Variants in PRKG1 observed in about 807,000 individuals in gnomAD.
PRKG1 encodes the protein cGMP-dependent protein kinase 1.
Under a neutral mutation model 88.1 loss-of-function variants are expected in PRKG1, and 35 were observed. The ratio of observed to expected loss-of-function variants is 0.40; its 90% CI spans 0.30 to 0.53. The LOEUF (loss-of-function observed/expected upper bound fraction) is 0.53, where lower values mean the gene tolerates loss of function less well. Ranked by LOEUF, PRKG1 falls within the 20% of genes least tolerant of loss-of-function variation. The pLI is 0.59. For missense variants in PRKG1, 540 were observed against 839.8 expected (o/e 0.64, Z 4.41); for synonymous variants, 303 against 292.5 (o/e 1.04, Z -0.37).
chr10:51,894,498 T>C (rs933877581), intron 4 of PRKG1, among the ~76,000 whole-genome samples: 1 of 152,206 alleles, frequency 6.6e-6, no homozygotes, highest in Admixed American at 6.5e-5. Flanking sequence ...ATATGAATAT[T>C]GTTAATGCCA....
At position 51,066,126 on chromosome 10, in the gene PRKG1, C is replaced by T. The variant is rs190004153; in HGVS notation, c.266+74482C>T. 1.2e-4 allele frequency among the ~76,000 whole-genome samples: 18 copies of T among 152,146 alleles called. No homozygotes were observed. The East Asian group carries it at 1.9e-3, about 16-fold the overall frequency. Reference sequence around the variant, plus strand: ...CATTGGAAGCTATGAAATGTTAAGACGTAATTGCTTAATGCTTGGAGAACT... The same window carrying T: ...CATTGGAAGCTATGAAATGTTAAGATGTAATTGCTTAATGCTTGGAGAACT... On this transcript the variant is annotated intron_variant, in intron 1 of 17. Transcript: ENST00000401604.
intron 7 of PRKG1, among the ~76,000 whole-genome samples, chr10:52,097,334 C>T (rs545853321): frequency 3.6e-4 from 55 of 152,002 alleles, no homozygotes; most frequent in Non-Finnish European, 6.6e-4. Flanking sequence ...TATTATCTAC[C>T]ATTTTAGTTC....
intron 3 of PRKG1, among the ~76,000 whole-genome samples, chr10:51,479,217 A>G (rs995909232): frequency 6.6e-6 from 1 of 152,034 alleles, no homozygotes; most frequent in African/African-American, 2.4e-5. Flanking sequence ...TAATTATTTG[A>G]ATGCCTTTTA....
intron 2 of PRKG1, among the ~76,000 whole-genome samples, chr10:51,394,668 A>G (rs551537581): frequency 3.3e-5 from 5 of 152,348 alleles, no homozygotes; most frequent in Admixed American, 2.6e-4. Flanking sequence ...TACACATTGC[A>G]AATATTCAGT....
chr10:51,605,889 A>G (rs1244261217), intron 3 of PRKG1, among the ~76,000 whole-genome samples: 4 of 152,202 alleles, frequency 2.6e-5, no homozygotes, highest in Non-Finnish European at 5.9e-5. Context: ...TCCTGGACAA[A>G]TAAGTTACTT....
chr10:51,191,545 G>A (rs1837631237), intron 2 of PRKG1, among the ~76,000 whole-genome samples: 1 of 151,808 alleles, frequency 6.6e-6, no homozygotes, highest in Non-Finnish European at 1.5e-5. Context: ...AACTGTCAAA[G>A]TAATATGGTG....
intron 9 of PRKG1, among the ~76,000 whole-genome samples, chr10:52,193,813 G>A (rs565128332): frequency 6.6e-6 from 1 of 152,174 alleles, no homozygotes; most frequent in East Asian, 1.9e-4. Flanking sequence ...CAATTAACTT[G>A]TATTTAAGTT....
chr10:51,053,489 G>A lies in PRKG1; in HGVS notation c.266+61845G>A, dbSNP rs1328179971. Among the ~76,000 whole-genome samples, 7 of 152,054 alleles carry A rather than the reference G, an allele frequency of 4.6e-5. No individual in the cohort carries two copies. In the East Asian group the frequency reaches 1.4e-3, roughly 29 times the overall value. ...CATCACTAGGAATGACATTTCTGTGGTATCCTGGGCCATTCCTGTCCTCAG... is the reference window on the plus strand; with the variant it reads ...CATCACTAGGAATGACATTTCTGTGATATCCTGGGCCATTCCTGTCCTCAG... On this transcript the variant is annotated intron_variant, in intron 1 of 17. Transcript: ENST00000401604.
intron 1 of PRKG1, among the ~76,000 whole-genome samples, chr10:51,065,101 A>C (rs778256214): frequency 4.6e-5 from 7 of 152,146 alleles, no homozygotes; most frequent in Non-Finnish European, 1.0e-4. Flanking sequence ...CTTTCGAAAT[A>C]ATGTCAAATG....
intron 5 of PRKG1, among the ~76,000 whole-genome samples, chr10:52,008,360 A>G (rs1844793194): frequency 6.6e-6 from 1 of 152,126 alleles, no homozygotes; most frequent in African/African-American, 2.4e-5. Flanking sequence ...GAAAAAATTA[A>G]TAAGATAGAC....
chr10:51,112,017 A>G (rs182247459), intron 1 of PRKG1, among the ~76,000 whole-genome samples: 98 of 152,286 alleles, frequency 6.4e-4, no homozygotes, highest in Non-Finnish European at 1.1e-3. Flanking sequence ...TTGTGCTGAA[A>G]GCATTGTTTT....
At chr10:51,391,929 C>T (rs1318458533) in intron 2 of PRKG1, among the ~76,000 whole-genome samples, 1 of 152,126 alleles carries the variant, frequency 6.6e-6, no homozygotes, top group East Asian at 1.9e-4. Flanking sequence ...TTTTTCCTTG[C>T]CCATGAAAGT....
chr10:52,179,958 A>T (rs1242587493), intron 9 of PRKG1, among the ~76,000 whole-genome samples: 1 of 152,208 alleles, frequency 6.6e-6, no homozygotes, highest in Non-Finnish European at 1.5e-5. Context: ...AAGTGCTGGG[A>T]TTACAGGCGT....
chr10:51,734,615 G>A (rs972756792), intron 3 of PRKG1, among the ~76,000 whole-genome samples: 2 of 152,030 alleles, frequency 1.3e-5, no homozygotes, highest in Non-Finnish European at 2.9e-5. Flanking sequence ...TTGAGGGATC[G>A]TGAAAATAAA....
intron 4 of PRKG1, among the ~76,000 whole-genome samples, chr10:51,828,566 A>C (rs1839932573): frequency 6.6e-6 from 1 of 152,170 alleles, no homozygotes. Flanking sequence ...GAACAACCTG[A>C]TATTCTGTGG....
At chr10:51,765,590 G>A (rs965642488) in intron 3 of PRKG1, among the ~76,000 whole-genome samples, 1 of 152,102 alleles carries the variant, frequency 6.6e-6, no homozygotes, top group African/African-American at 2.4e-5. Context: ...CACAGGAAGT[G>A]TATATTTAAT....
At chr10:52,202,239 G>C (rs188953348) in intron 9 of PRKG1, among the ~76,000 whole-genome samples, 1 of 151,908 alleles carries the variant, frequency 6.6e-6, no homozygotes, top group African/African-American at 2.4e-5. Flanking sequence ...GTTTGTCAAG[G>C]GTTTTTAACA....
chr10:51,532,131 G>GT (rs1459021890), intron 3 of PRKG1, among the ~76,000 whole-genome samples: 1 of 152,186 alleles, frequency 6.6e-6, no homozygotes, highest in Non-Finnish European at 1.5e-5. Flanking sequence ...AGTGAGGGAA[G>GT]TTAAAGCTGC....
At chr10:51,481,662 C>A (rs908786018) in intron 3 of PRKG1, among the ~76,000 whole-genome samples, 2 of 152,012 alleles carry the variant, frequency 1.3e-5, no homozygotes, top group African/African-American at 2.4e-5. Flanking sequence ...TGGCGTAATT[C>A]TCTCAGTTCT....
Sources: gnomAD v4.1 joint callset for allele counts (sites outside exome capture counted in the v4.1 genomes callset) on GRCh38, gnomAD v4.1.1 for gene constraint, MANE v1.5 for transcripts, NCBI Gene and HGNC (gene_info 2026-07-23, HGNC 2026-07-21) for gene names.